RAF1: variants seen among roughly 807,000 people sequenced by gnomAD.
RAF1 encodes the protein RAF proto-oncogene serine/threonine-protein kinase.
A neutral mutation model predicts 81.1 loss-of-function variants in RAF1; 27 were observed. The ratio of observed to expected loss-of-function variants is 0.33; its 90% CI spans 0.25 to 0.46. The LOEUF (loss-of-function observed/expected upper bound fraction) is 0.46, where lower values mean the gene tolerates loss of function less well. Among genes scored for constraint, RAF1 ranks in the 20% least tolerant of loss-of-function variants. The pLI is 1.00. For missense variants in RAF1, 598 were observed against 826.0 expected (o/e 0.72, Z 3.38); for synonymous variants, 298 against 294.0 (o/e 1.01, Z -0.14).
chr3:12,630,271 C>T (rs2125494448), intron 1 of RAF1, among the ~76,000 whole-genome samples: 2 of 152,264 alleles, frequency 1.3e-5, no homozygotes, highest in Middle Eastern at 6.8e-3. Flanking sequence ...CCTGGCCTTT[C>T]ACCAAATTGC....
intron 1 of RAF1, among the ~76,000 whole-genome samples, chr3:12,647,363 G>C (rs914939895): frequency 5.3e-5 from 8 of 151,852 alleles, no homozygotes; most frequent in African/African-American, 1.9e-4. Flanking sequence ...CACTTTGAGA[G>C]GTTGAGGCAA....
At chr3:12,637,573 C>G (rs1379142805) in intron 1 of RAF1, among the ~76,000 whole-genome samples, 1 of 151,998 alleles carries the variant, frequency 6.6e-6, no homozygotes, top group Non-Finnish European at 1.5e-5. Flanking sequence ...TCATTGTGTT[C>G]TTAAAACACA....
chr3:12,585,546 C>A, intron 15 of RAF1, 135 bp downstream of exon 14: 1 of 1,372,932 alleles, frequency 7.3e-7, no homozygotes, highest in Non-Finnish European at 1.0e-6. Context: ...CTACAATTGC[C>A]CTGAGGCTGG....
At chr3:12,611,747 G>A (rs985172101) in intron 3 of RAF1, among the ~76,000 whole-genome samples, 3 of 152,266 alleles carry the variant, frequency 2.0e-5, no homozygotes, top group South Asian at 2.1e-4. Context: ...CCAGCTTAAC[G>A]TGTATTTAAC....
chr3:12,620,153 T>G (rs1032532567), intron 1 of RAF1, among the ~76,000 whole-genome samples: 3 of 152,202 alleles, frequency 2.0e-5, no homozygotes, highest in Non-Finnish European at 4.4e-5. Flanking sequence ...TTTCTTTTCT[T>G]TTCTTTTGAG....
chr3:12,626,244 C>T (rs368825749), intron 1 of RAF1, among the ~76,000 whole-genome samples: 1 of 104,242 alleles, frequency 9.6e-6, no homozygotes, highest in African/African-American at 3.9e-5. Flanking sequence ...AACTCTGTCT[C>T]AAAAAAAAAA....
chr3:12,596,967 C>T (rs971641978), intron 11 of RAF1, among the ~76,000 whole-genome samples: 11 of 151,468 alleles, frequency 7.3e-5, no homozygotes, highest in African/African-American at 1.9e-4. Flanking sequence ...GGCACGATCT[C>T]GGCTCACTGT....
intron 1 of RAF1, among the ~76,000 whole-genome samples, chr3:12,619,688 A>C (rs1406187492): frequency 6.6e-6 from 1 of 152,170 alleles, no homozygotes; most frequent in Non-Finnish European, 1.5e-5. Context: ...TGTGAGCAAC[A>C]CATTAGTACT....
intron 1 of RAF1, among the ~76,000 whole-genome samples, chr3:12,649,821 G>A (rs116096487): frequency 1.3e-5 from 2 of 151,916 alleles, no homozygotes; most frequent in Non-Finnish European, 2.9e-5. Context: ...GCAACTGAGG[G>A]GGAACATCAA....
Position 12,584,472 on chromosome 3 carries a change from T to TCTC in RAF1, c.*39_*41dup, listed in dbSNP as rs772245311. On this transcript the variant is annotated 3_prime_UTR_variant, in exon 18 of 18. Transcript: ENST00000442415. ...AGCAGAAAAGTGGTGCCTGCTGGCT[T>TCTC]CTCCTCCTCCCCTGGCAGCCTGAAG... 6.2e-7 allele frequency: 1 copy of TCTC among 1,613,686 alleles called. No homozygotes were observed.
intron 1 of RAF1, among the ~76,000 whole-genome samples, chr3:12,660,519 G>GC (rs1376067621): frequency 6.6e-6 from 1 of 151,952 alleles, no homozygotes; most frequent in Non-Finnish European, 1.5e-5. Context: ...TCACCATGTT[G>GC]CCCAGGCTGG....
rs532780424 is a variant in RAF1, at chr3:12,590,884, G to A, written c.1344C>T (p.Ser448=). 3.7e-6 allele frequency: 6 copies of A among 1,613,130 alleles called. No homozygotes were observed. Among genetic ancestry groups the A allele is most frequent in the Non-Finnish European group, 5.1e-6 (6 of 1,179,088 alleles). ...CCTGGACATGCAGGTGTTTGTAGAG[G>A]CTGCTGCCCTCGCACCACTGGGTCA... Residue 448 remains serine, a synonymous_variant, in exon 13 of 18, where the codon AGC becomes AGT. Coordinates refer to ENST00000442415, the MANE Select transcript of RAF1 (RefSeq NM_001354689.3).
At chr3:12,606,798 G>A (rs1217064548) in intron 5 of RAF1, among the ~76,000 whole-genome samples, 1 of 152,074 alleles carries the variant, frequency 6.6e-6, no homozygotes, top group East Asian at 1.9e-4. Context: ...TTGGTGTGCT[G>A]CACCCAGTAA....
At chr3:12,613,350 C>T (rs550922111) in intron 2 of RAF1, among the ~76,000 whole-genome samples, 10 of 152,222 alleles carry the variant, frequency 6.6e-5, no homozygotes, top group African/African-American at 1.9e-4. Context: ...GAACTGCCTA[C>T]CAGGTTCCTC....
At chr3:12,658,083 T>C (rs890300488) in intron 1 of RAF1, among the ~76,000 whole-genome samples, 1 of 152,200 alleles carries the variant, frequency 6.6e-6, no homozygotes, top group African/African-American at 2.4e-5. Flanking sequence ...CCTTTCTTTT[T>C]ATTACTGAGT....
intron 1 of RAF1, among the ~76,000 whole-genome samples, chr3:12,660,836 G>A (rs201080856): frequency 2.6e-5 from 4 of 152,062 alleles, no homozygotes; most frequent in South Asian, 2.1e-4. Context: ...TTGGCTAGGC[G>A]TGGTGGCAGG....
At chr3:12,598,266 C>T (rs2058744453) in intron 11 of RAF1, among the ~76,000 whole-genome samples, 1 of 152,094 alleles carries the variant, frequency 6.6e-6, no homozygotes, top group South Asian at 2.1e-4. Context: ...CTGCCTCAGC[C>T]TCCCAAAGTG....
chr3:12,652,288 C>T (rs534787618), intron 1 of RAF1, among the ~76,000 whole-genome samples: 2 of 151,562 alleles, frequency 1.3e-5, no homozygotes, highest in East Asian at 3.9e-4. Flanking sequence ...TTTGGGAGGC[C>T]GAGATGGGCG....
At chr3:12,590,614 C>T in intron 13 of RAF1, 184 bp downstream of exon 12, 1 of 694,890 alleles carries the variant, frequency 1.4e-6, no homozygotes. Flanking sequence ...GTGTGAGCCA[C>T]CCCACCCAGC....
Sources: allele counts gnomAD v4.1 joint callset (sites outside exome capture counted in the v4.1 genomes callset), GRCh38; gene constraint gnomAD v4.1.1; transcripts MANE v1.5; gene names NCBI Gene and HGNC (gene_info 2026-07-23, HGNC 2026-07-21).